The following GPALPP1 variants were observed in gnomAD, a reference collection of about 807,000 sequenced individuals.
The protein encoded by GPALPP1 is GPALPP motifs-containing protein 1.
GPALPP1 carries 30 observed loss-of-function variants against 38.9 expected under a neutral mutation model. The observed-to-expected ratio is 0.77, with a 90% CI of 0.58 to 1.05. The LOEUF (loss-of-function observed/expected upper bound fraction) is 1.05, where lower values mean the gene tolerates loss of function less well. Among genes scored for constraint, GPALPP1 ranks in the 50% least tolerant of loss-of-function variants. The probability of loss-of-function intolerance (pLI) is 0.00; values close to 1 mark genes in which losing one functional copy is unlikely to be tolerated. For missense variants in GPALPP1, 384 were observed against 408.8 expected, an observed-to-expected ratio of 0.94 and a Z score of 0.52; for synonymous variants, 120 against 139.2, an observed-to-expected ratio of 0.86 and a Z score of 0.97.
At chr13:45,004,634 T>C (rs1326642389) in intron 2 of GPALPP1, among the ~76,000 whole-genome samples, 197 bp downstream of exon 2, 1 of 152,136 alleles carries the variant, frequency 6.6e-6, no homozygotes. Flanking sequence ...TAGAGATATC[T>C]AGAATTTCAA....
intron 7 of GPALPP1, among the ~76,000 whole-genome samples, chr13:45,024,511 C>G (rs1017436148): frequency 2.6e-5 from 4 of 151,784 alleles, no homozygotes; most frequent in Non-Finnish European, 4.4e-5. Context: ...GTTAGCCAGG[C>G]TGGTCTTGAA....
intron 1 of GPALPP1, chr13:45,001,688 C>G (rs1470340869): frequency 6.9e-6 from 1 of 144,238 alleles, no homozygotes; most frequent in East Asian, 2.0e-4. Flanking sequence ...TTTTTTTTTT[C>G]TTTCTTTTTT....
chr13:45,002,361 A>G (rs536024473), intron 1 of GPALPP1: 4 of 152,378 alleles, frequency 2.6e-5, no homozygotes, highest in Non-Finnish European at 1.5e-5. Flanking sequence ...AAAGCATGTG[A>G]AAACTCTGGT....
In GPALPP1 at chr13:44,989,741, T is replaced by G. The variant is rs1369204374; in HGVS notation, c.87T>G (p.Pro29=). The change falls in exon 1 of 8, where the codon CCT becomes CCG. Residue 29 remains proline, a splice_region_variant and synonymous_variant. Coordinates refer to ENST00000379151, the MANE Select transcript of GPALPP1 (RefSeq NM_018559.5). ...TAEDEERDPS[P]VAGPALPPNY... ...AGGACGAAGAGCGGGACCCGAGCCC[T>G]GGTAAGCGGCGGCGTCTCCGCTGCC... 2 of 1,606,372 alleles carry G rather than the reference T, an allele frequency of 1.2e-6. No homozygotes were observed. Among genetic ancestry groups the G allele is most frequent in the Non-Finnish European group, 1.7e-6 (2 of 1,178,348 alleles).
chr13:44,989,787 T>TCCCTGGC, intron 1 of GPALPP1, 45 bp downstream of exon 1: 1 of 1,435,350 alleles, frequency 7.0e-7, no homozygotes, highest in Non-Finnish European at 9.7e-7. Context: ...ATCTACCCAC[T>TCCCTGGC]CCCTGGCCGG....
chr13:44,991,520 C>G (rs1872808360), intron 1 of GPALPP1, among the ~76,000 whole-genome samples: 1 of 152,186 alleles, frequency 6.6e-6, no homozygotes, highest in South Asian at 2.1e-4. Context: ...ATATCTTACA[C>G]GTAGTGTGTC....
In GPALPP1 at chr13:45,029,873, T is replaced by G. The variant is rs1876102690; in HGVS notation, c.*1870T>G. 6.6e-6 allele frequency: 1 copy of G among 152,212 alleles called. No homozygotes were observed. Among genetic ancestry groups the G allele is most frequent in the Non-Finnish European group, 1.5e-5 (1 of 68,032 alleles). 9.4% of individuals were successfully genotyped at this position (152,212 alleles called of 1,614,324 possible). A position where few individuals can be genotyped will look rare whatever the true frequency, so the allele number is the denominator to read the frequency against. On this transcript the variant is annotated 3_prime_UTR_variant, in exon 8 of 8. Coordinates refer to ENST00000379151, the MANE Select transcript of GPALPP1 (RefSeq NM_018559.5). The stretch of plus-strand genomic sequence containing the variant: ...AAAAACTATTTTGCTTTTTCCAACT[T>G]TAATAGTTAGTATTTCTAGGGGAGG...
intron 7 of GPALPP1, among the ~76,000 whole-genome samples, chr13:45,027,092 C>T (rs1054468587): frequency 6.6e-6 from 1 of 152,092 alleles, no homozygotes; most frequent in Non-Finnish European, 1.5e-5. Flanking sequence ...TACGTATACC[C>T]CAGATTGAAG....
At chr13:45,019,079 ATAAATATATGTATATATATT>A in intron 6 of GPALPP1, among the ~76,000 whole-genome samples, 1 of 137,532 alleles carries the variant, frequency 7.3e-6, no homozygotes, top group East Asian at 2.0e-4. Context: ...ATATATACAT[ATAAATATATGTATATATATT>A]TATATATATT....
At chr13:45,000,949 G>A (rs1475446892) in intron 1 of GPALPP1, among the ~76,000 whole-genome samples, 1 of 152,180 alleles carries the variant, frequency 6.6e-6, no homozygotes, top group African/African-American at 2.4e-5. Flanking sequence ...AAGAGAGATA[G>A]GAAAAATTTT....
intron 4 of GPALPP1, among the ~76,000 whole-genome samples, chr13:45,014,419 A>T (rs1874689261): frequency 6.6e-6 from 1 of 152,202 alleles, no homozygotes; most frequent in Non-Finnish European, 1.5e-5. Context: ...GAAAAAATAT[A>T]CTGGCCTTGA....
At chr13:45,030,369 TTTG>T (rs1291849816), downstream of GPALPP1, 2 of 152,076 alleles carry the variant, frequency 1.3e-5, no homozygotes, top group East Asian at 1.9e-4. Flanking sequence ...GACACAAATT[TTTG>T]TTGTTGTTTA....
intron 6 of GPALPP1, among the ~76,000 whole-genome samples, chr13:45,018,886 TATATAAATATATATAC>T (rs996547632): frequency 6.2e-5 from 9 of 145,538 alleles, no homozygotes; most frequent in African/African-American, 7.6e-5. Flanking sequence ...CTTGCTGATA[TATATAAATATATATAC>T]ATATAAATAT....
chr13:45,006,287 GATGA>G lies in GPALPP1; in HGVS notation c.308_311del (p.Asp103ValfsTer7), dbSNP rs1874100281. ...CCTTCCTCCTGGATTTAAAAAGCAGGATGATTCTCCTCCAAGGTGATAATGTGTA... is the reference window on the plus strand; with the variant it reads ...CCTTCCTCCTGGATTTAAAAAGCAGGTTCTCCTCCAAGGTGATAATGTGTA... On this transcript the variant is annotated frameshift_variant, in exon 3 of 8. Coordinates refer to ENST00000379151, the MANE Select transcript of GPALPP1 (RefSeq NM_018559.5). LOFTEE classifies it high-confidence loss of function. The G allele has an allele frequency of 4.4e-6, 7 of 1,580,696 alleles. No individual in the cohort carries two copies. The highest frequency in any genetic ancestry group is 6.1e-6 in the Non-Finnish European group (7 of 1,150,902).
At chr13:45,027,556 C>T (rs547857944) in intron 7 of GPALPP1, among the ~76,000 whole-genome samples, 1 of 152,164 alleles carries the variant, frequency 6.6e-6, no homozygotes, top group Non-Finnish European at 1.5e-5. Flanking sequence ...TTTCACACCC[C>T]GTTCTTGGTT....
Position 45,030,290 on chromosome 13 carries a change from C to T in GPALPP1, c.*2287C>T, listed in dbSNP as rs1876130022. The T allele has an allele frequency of 6.6e-6, 1 of 152,038 alleles. No homozygotes were observed. Among genetic ancestry groups the T allele is most frequent in the African/African-American group, 2.4e-5 (1 of 41,382 alleles). 9.4% of individuals were successfully genotyped at this position (152,038 alleles called of 1,614,324 possible). ...CTATTAAACTATTGTTAAATAAATG[C>T]CAATTCTATAAGTTATATTTTCTTG... On this transcript the variant is annotated 3_prime_UTR_variant, in exon 8 of 8. Coordinates refer to ENST00000379151, the MANE Select transcript of GPALPP1 (RefSeq NM_018559.5).
intron 1 of GPALPP1, among the ~76,000 whole-genome samples, chr13:45,003,863 A>C (rs1873866978): frequency 6.6e-6 from 1 of 151,890 alleles, no homozygotes; most frequent in Non-Finnish European, 1.5e-5. Context: ...TGGGGATGCC[A>C]GGAAAGATTT....
chr13:44,991,378 C>T (rs1487099838), intron 1 of GPALPP1, among the ~76,000 whole-genome samples: 3 of 150,900 alleles, frequency 2.0e-5, no homozygotes, highest in Non-Finnish European at 4.4e-5. Flanking sequence ...ACCTGGGAGG[C>T]GGAGGTTGCG....
intron 1 of GPALPP1, among the ~76,000 whole-genome samples, chr13:44,992,430 C>T (rs1288082798): frequency 6.6e-6 from 1 of 152,052 alleles, no homozygotes. Flanking sequence ...TTTTTTCACT[C>T]ATGTTGGTAT....
Sources: gnomAD v4.1 joint callset for allele counts (sites outside exome capture counted in the v4.1 genomes callset) on GRCh38, gnomAD v4.1.1 for gene constraint, MANE v1.5 for transcripts, NCBI Gene and HGNC (gene_info 2026-07-23, HGNC 2026-07-21) for gene names.